LRRTM4: variants seen among roughly 807,000 people sequenced by gnomAD.
The protein encoded by LRRTM4 is leucine rich repeat transmembrane neuronal 4, also known as leucine-rich repeat transmembrane neuronal protein 4.
LRRTM4 carries 25 observed loss-of-function variants against 47.6 expected under a neutral mutation model. The observed-to-expected ratio is 0.53, with a 90% CI of 0.38 to 0.73. LRRTM4 has a LOEUF of 0.73. Ranked by LOEUF, LRRTM4 falls within the 30% of genes least tolerant of loss-of-function variation. The pLI, the probability that LRRTM4 is intolerant of heterozygous loss-of-function variation, is 0.00. For missense variants in LRRTM4, 638 were observed against 713.4 expected, an observed-to-expected ratio of 0.89 and a Z score of 1.20; for synonymous variants, 311 against 269.5, an observed-to-expected ratio of 1.15 and a Z score of -1.51.
At chr2:77,221,911 C>T (rs1186786341) in intron 3 of LRRTM4, among the ~76,000 whole-genome samples, 2 of 152,164 alleles carry the variant, frequency 1.3e-5, no homozygotes, top group African/African-American at 4.8e-5. Context: ...ACATTCTTTT[C>T]AGCACCACAC....
chr2:77,071,496 A>C (rs1266887930), intron 3 of LRRTM4, among the ~76,000 whole-genome samples: 1 of 152,162 alleles, frequency 6.6e-6, no homozygotes, highest in East Asian at 1.9e-4. Context: ...AGTGTATTGA[A>C]ATTTACTAAA....
chr2:76,870,127 T>A (rs1672581414), intron 3 of LRRTM4, among the ~76,000 whole-genome samples: 1 of 152,186 alleles, frequency 6.6e-6, no homozygotes, highest in South Asian at 2.1e-4. Flanking sequence ...CTTCTTTTAT[T>A]TCTCACCAGA....
At chr2:77,242,706 CA>C (rs542905565) in intron 3 of LRRTM4, among the ~76,000 whole-genome samples, 64 of 151,950 alleles carry the variant, frequency 4.2e-4, no homozygotes, top group African/African-American at 1.4e-3. Context: ...TAAAACCAAA[CA>C]AAAAATATAA....
At chr2:77,100,442 C>G (rs1670923902) in intron 3 of LRRTM4, among the ~76,000 whole-genome samples, 2 of 152,112 alleles carry the variant, frequency 1.3e-5, no homozygotes, top group Non-Finnish European at 1.5e-5. Flanking sequence ...ACCTTTAGCT[C>G]TAATACTAGC....
At chr2:76,857,533 C>T (rs1346264512) in intron 3 of LRRTM4, among the ~76,000 whole-genome samples, 1 of 151,924 alleles carries the variant, frequency 6.6e-6, no homozygotes, top group Non-Finnish European at 1.5e-5. Context: ...ATTGACAACA[C>T]TAACCCCCTC....
chr2:76,798,232 G>T, intron 3 of LRRTM4, among the ~76,000 whole-genome samples: 1 of 152,198 alleles, frequency 6.6e-6, no homozygotes, highest in Middle Eastern at 3.4e-3. Flanking sequence ...TAAAAGAGCA[G>T]AGATTATAAC....
intron 3 of LRRTM4, among the ~76,000 whole-genome samples, chr2:76,874,612 T>A (rs1368865815): frequency 6.8e-6 from 1 of 148,102 alleles, no homozygotes; most frequent in African/African-American, 2.5e-5. Flanking sequence ...ATTTAGAAAG[T>A]TTTTTTTTTA....
At chr2:76,755,313 G>T (rs1307255976) in intron 3 of LRRTM4, among the ~76,000 whole-genome samples, 1 of 152,076 alleles carries the variant, frequency 6.6e-6, no homozygotes, top group Non-Finnish European at 1.5e-5. Context: ...CTGATGACTA[G>T]AAAACTTATT....
At chr2:76,902,307 C>T (rs1297681013) in intron 3 of LRRTM4, among the ~76,000 whole-genome samples, 1 of 151,974 alleles carries the variant, frequency 6.6e-6, no homozygotes, top group African/African-American at 2.4e-5. Context: ...GTGTTTTTCC[C>T]TTTTTTATCT....
intron 3 of LRRTM4, among the ~76,000 whole-genome samples, chr2:76,813,079 G>T (rs187320009): frequency 6.6e-6 from 1 of 151,874 alleles, no homozygotes; most frequent in African/African-American, 2.4e-5. Context: ...CAGGACAATC[G>T]CTTGAACCCA....
At position 76,945,395 on chromosome 2, in the gene LRRTM4, T is replaced by C. The variant is rs370003313; in HGVS notation, c.1552-196479A>G. ...CCATAAAATGTATCATGCTTTATTT[T>C]AGCAGATTGAAAATGGCCCTATAAG... On this transcript the variant is annotated intron_variant, in intron 3 of 3. Transcript: ENST00000409884. Among the ~76,000 whole-genome samples, 36 of 152,158 alleles carry C rather than the reference T, an allele frequency of 2.4e-4. No homozygotes were observed. The East Asian group carries it at 4.8e-3, about 20-fold the overall frequency.
intron 3 of LRRTM4, among the ~76,000 whole-genome samples, chr2:76,779,163 G>C (rs1674202897): frequency 6.6e-6 from 1 of 152,020 alleles, no homozygotes; most frequent in South Asian, 2.1e-4. Context: ...CATTTGCTGA[G>C]GAGAGCTTTA....
intron 3 of LRRTM4, among the ~76,000 whole-genome samples, chr2:76,757,142 C>A (rs570984882): frequency 2.0e-5 from 3 of 151,946 alleles, no homozygotes; most frequent in African/African-American, 7.3e-5. Flanking sequence ...AGATTGAGCA[C>A]GCAAAATGTA....
intron 3 of LRRTM4, among the ~76,000 whole-genome samples, chr2:76,972,656 G>A (rs1186654353): frequency 6.6e-6 from 1 of 151,828 alleles, no homozygotes; most frequent in South Asian, 2.1e-4. Flanking sequence ...TCCTGACCTC[G>A]TGATGTGCCC....
chr2:77,347,202 C>T (rs1467023066), intron 3 of LRRTM4, among the ~76,000 whole-genome samples: 1 of 152,238 alleles, frequency 6.6e-6, no homozygotes, highest in Non-Finnish European at 1.5e-5. Flanking sequence ...GACTTCCCGT[C>T]ACTACGGCCT....
intron 3 of LRRTM4, among the ~76,000 whole-genome samples, chr2:76,897,577 G>C (rs1030239164): frequency 5.9e-5 from 9 of 152,116 alleles, no homozygotes; most frequent in African/African-American, 1.4e-4. Context: ...GAGTAAGAAG[G>C]AGTCTCAAAT....
chr2:77,494,608 G>A (rs1282133643), intron 3 of LRRTM4, among the ~76,000 whole-genome samples: 1 of 151,260 alleles, frequency 6.6e-6, no homozygotes, highest in African/African-American at 2.4e-5. Flanking sequence ...TATTCTTCAT[G>A]GTTTAAAGAC....
chr2:77,003,510 AG>A (rs1186669953), intron 3 of LRRTM4, among the ~76,000 whole-genome samples: 1 of 152,122 alleles, frequency 6.6e-6, no homozygotes, highest in African/African-American at 2.4e-5. Flanking sequence ...GGTTTTGTAA[AG>A]GGAAGTTTCC....
chr2:76,850,713 A>G (rs1558692159), intron 3 of LRRTM4, among the ~76,000 whole-genome samples: 1 of 152,152 alleles, frequency 6.6e-6, no homozygotes, highest in Non-Finnish European at 1.5e-5. Context: ...TCTGATATGT[A>G]TGTGTGTGTA....
Sources: gnomAD v4.1 joint callset for allele counts (sites outside exome capture counted in the v4.1 genomes callset) on GRCh38, gnomAD v4.1.1 for gene constraint, MANE v1.5 for transcripts, NCBI Gene and HGNC (gene_info 2026-07-23, HGNC 2026-07-21) for gene names.